Variants in DIP2C observed in about 807,000 individuals in gnomAD.
DIP2C encodes DIP2 acetate--CoA ligase C (putative).
A neutral mutation model predicts 192.4 loss-of-function variants in DIP2C; 33 were observed. That is an observed-to-expected ratio of 0.17 (90% confidence interval 0.13 to 0.23). The LOEUF (loss-of-function observed/expected upper bound fraction) is 0.23. DIP2C is among the 10% of genes least tolerant of loss of function. The probability of loss-of-function intolerance (pLI) is 1.00; values close to 1 mark genes in which losing one functional copy is unlikely to be tolerated. For synonymous variants in DIP2C, 979 were observed against 864.1 expected (o/e 1.13, Z -2.33); for missense variants, 1,537 against 2,110.1 (o/e 0.73, Z 5.32).
intron 1 of DIP2C, among the ~76,000 whole-genome samples, chr10:607,191 T>C (rs1852555870): frequency 6.6e-6 from 1 of 152,242 alleles, no homozygotes; most frequent in Admixed American, 6.5e-5. Flanking sequence ...TCCTCCTGCT[T>C]ATTCAGAAGG....
At chr10:495,311 A>G (rs1459290258) in intron 1 of DIP2C, among the ~76,000 whole-genome samples, 1 of 152,200 alleles carries the variant, frequency 6.6e-6, no homozygotes, top group East Asian at 1.9e-4. Context: ...TGTGGTAACT[A>G]CAGTTAATAA....
At chr10:360,892 G>A (rs1165911251) in intron 22 of DIP2C, among the ~76,000 whole-genome samples, 2 of 152,114 alleles carry the variant, frequency 1.3e-5, no homozygotes, top group African/African-American at 2.4e-5. Context: ...TGGCCTCAAC[G>A]AATGTTTGCT....
intron 34 of DIP2C, 79 bp from the exon 35 acceptor site, chr10:283,525 T>A: frequency 6.6e-7 from 1 of 1,517,038 alleles, no homozygotes; most frequent in Non-Finnish European, 9.0e-7. Flanking sequence ...CTTTGACAAT[T>A]CAGTACATTA....
intron 32 of DIP2C, among the ~76,000 whole-genome samples, chr10:307,765 G>C (rs1956389703): frequency 6.6e-6 from 1 of 152,254 alleles, no homozygotes; most frequent in Admixed American, 6.5e-5. Context: ...GAGGGCACGG[G>C]AGAAAGAGCG....
At chr10:332,175 C>T (rs982098029) in intron 29 of DIP2C, among the ~76,000 whole-genome samples, 1 of 152,086 alleles carries the variant, frequency 6.6e-6, no homozygotes, top group Non-Finnish European at 1.5e-5. Context: ...TGGTCTTGAA[C>T]GCCTAGGTTC....
At chr10:640,049 G>T (rs182934729) in intron 1 of DIP2C, among the ~76,000 whole-genome samples, 1 of 151,142 alleles carries the variant, frequency 6.6e-6, no homozygotes, top group Non-Finnish European at 1.5e-5. Context: ...CACCCGCCAC[G>T]CATGTGGGCC....
At position 662,024 on chromosome 10, in the gene DIP2C, A is replaced by AG. The variant is rs563267842; in HGVS notation, c.85+27469dup. 154 of 715,378 alleles carry AG rather than the reference A, an allele frequency of 2.2e-4. No homozygotes were observed. In the African/African-American group the frequency reaches 2.3e-3, roughly 11 times the overall value. The allele number at this position is 715,378 out of a possible 1,614,324, so 44.3% of individuals were successfully genotyped here. A position where few individuals can be genotyped will look rare whatever the true frequency, so the allele number is the denominator to read the frequency against. ...CCTCTCGCCATGGCGAGTGCCCCGC[A>AG]GGAGCCTGGCCTGTCCCCCGTGGCT... is the stretch of plus-strand genomic sequence containing the variant. On this transcript the variant is annotated intron_variant, in intron 1 of 36. Transcript: ENST00000280886.
intron 31 of DIP2C, among the ~76,000 whole-genome samples, chr10:326,308 G>A (rs562244564): frequency 1.3e-5 from 2 of 152,288 alleles, no homozygotes; most frequent in Admixed American, 6.5e-5. Context: ...ACCTAGACAG[G>A]CGTGAAAAGG....
chr10:545,724 C>A (rs1416580117), intron 1 of DIP2C, among the ~76,000 whole-genome samples: 1 of 152,238 alleles, frequency 6.6e-6, no homozygotes, highest in Non-Finnish European at 1.5e-5. Flanking sequence ...TCGACTCTTA[C>A]ACTGGATCCA....
At chr10:374,503 C>G (rs561406061) in intron 17 of DIP2C, among the ~76,000 whole-genome samples, 2 of 152,144 alleles carry the variant, frequency 1.3e-5, no homozygotes, top group South Asian at 4.1e-4. Flanking sequence ...GGGGCAGGGG[C>G]GAGGAGGGCT....
At chr10:471,909 C>T (rs183517709) in intron 3 of DIP2C, among the ~76,000 whole-genome samples, 39 of 152,180 alleles carry the variant, frequency 2.6e-4, no homozygotes, top group Non-Finnish European at 4.1e-4. Flanking sequence ...CCCACCACCA[C>T]GCCCGACAGC....
chr10:482,451 G>A (rs983164906), intron 2 of DIP2C, among the ~76,000 whole-genome samples: 13 of 152,154 alleles, frequency 8.5e-5, no homozygotes, highest in Non-Finnish European at 1.8e-4. Context: ...TGGAGAGGCC[G>A]CTCACGTGAC....
At chr10:290,688 C>G (rs976383930) in intron 32 of DIP2C, among the ~76,000 whole-genome samples, 14 of 152,192 alleles carry the variant, frequency 9.2e-5, no homozygotes, top group African/African-American at 3.1e-4. Flanking sequence ...GAGAAAGGGG[C>G]ACCTGGAGAT....
intron 5 of DIP2C, among the ~76,000 whole-genome samples, chr10:420,219 G>A (rs535669682): frequency 3.9e-5 from 6 of 152,318 alleles, no homozygotes; most frequent in East Asian, 3.9e-4. Flanking sequence ...TCAACTGAAC[G>A]CACAAAAACA....
At chr10:338,314 T>C (rs1007354833) in intron 29 of DIP2C, among the ~76,000 whole-genome samples, 4 of 152,202 alleles carry the variant, frequency 2.6e-5, no homozygotes, top group Admixed American at 6.5e-5. Context: ...CACAATAGTG[T>C]GCAGTCGTGT....
chr10:669,652 A>C (rs1262215254), intron 1 of DIP2C: 2 of 152,232 alleles, frequency 1.3e-5, no homozygotes, highest in Non-Finnish European at 2.9e-5. Context: ...TAAAATACTT[A>C]AACTGGCAAA....
At chr10:466,675 A>G (rs925573428) in intron 3 of DIP2C, among the ~76,000 whole-genome samples, 3 of 150,962 alleles carry the variant, frequency 2.0e-5, no homozygotes, top group African/African-American at 7.3e-5. Context: ...TCTACAATGA[A>G]CTCAAACAAA....
chr10:670,027 T>C (rs1857346229), intron 1 of DIP2C, among the ~76,000 whole-genome samples: 2 of 152,176 alleles, frequency 1.3e-5, no homozygotes, highest in Non-Finnish European at 2.9e-5. Context: ...TGTCACTGCC[T>C]AACAGCAATA....
At chr10:351,977 T>C (rs1958834454) in intron 24 of DIP2C, among the ~76,000 whole-genome samples, 1 of 152,208 alleles carries the variant, frequency 6.6e-6, no homozygotes, top group African/African-American at 2.4e-5. Flanking sequence ...GCTGTGAGCA[T>C]GGACGCGTCT....
Sources: gnomAD v4.1 joint callset for allele counts (sites outside exome capture counted in the v4.1 genomes callset) on GRCh38, gnomAD v4.1.1 for gene constraint, MANE v1.5 for transcripts, NCBI Gene and HGNC (gene_info 2026-07-23, HGNC 2026-07-21) for gene names.